The following KCNT1 variants were observed in gnomAD, a reference collection of about 807,000 sequenced individuals.
KCNT1 encodes the protein potassium channel subfamily T member 1.
KCNT1 carries 78 observed loss-of-function variants against 147.8 expected under a neutral mutation model. The observed-to-expected ratio is 0.53, with a 90% confidence interval of 0.44 to 0.64. The LOEUF is 0.64. Among genes scored for constraint, KCNT1 ranks in the 30% least tolerant of loss-of-function variants. The pLI, the probability that KCNT1 is intolerant of heterozygous loss-of-function variation, is 0.00. For synonymous variants in KCNT1, 867 were observed against 748.8 expected (o/e 1.16, Z -2.58); for missense variants, 1,419 against 1,750.3 (o/e 0.81, Z 3.38).
intron 2 of KCNT1, among the ~76,000 whole-genome samples, chr9:135,737,734 C>T (rs577435699): frequency 2.0e-5 from 3 of 152,234 alleles, no homozygotes; most frequent in African/African-American, 4.8e-5. Context: ...GCCAAGGGTG[C>T]CCAGGAGCCT....
chr9:135,754,451 G>A (rs866885719), intron 5 of KCNT1, among the ~76,000 whole-genome samples: 24 of 152,286 alleles, frequency 1.6e-4, no homozygotes, highest in African/African-American at 5.3e-4. Flanking sequence ...ACCATCTTAC[G>A]GCAAAGGAAG....
intron 2 of KCNT1, among the ~76,000 whole-genome samples, chr9:135,724,999 T>C (rs1181710569): frequency 6.6e-6 from 1 of 152,224 alleles, no homozygotes; most frequent in African/African-American, 2.4e-5. Flanking sequence ...GAGGGTAATC[T>C]TGGTGGAAGC....
chr9:135,775,227 A>C, intron 19 of KCNT1, 83 bp from the exon 20 acceptor site: 3 of 985,046 alleles, frequency 3.0e-6, no homozygotes. Flanking sequence ...GGTGCCCTCG[A>C]GTCCCCCAGC....
In KCNT1 at chr9:135,786,443, C is replaced by T. The variant is rs772478093; in HGVS notation, c.3424C>T (p.Arg1142Trp). ...WISQQRLSLYRRSERQELSEL... is the reference protein window; with the variant it reads ...WISQQRLSLYWRSERQELSEL... Reference sequence around the variant, plus strand: ...CAGCCAGCAGCGCCTCAGCCTGTACCGGCGCTCTGAGCGCCAGGAGCTCTC... The same window carrying T: ...CAGCCAGCAGCGCCTCAGCCTGTACTGGCGCTCTGAGCGCCAGGAGCTCTC... The change falls in exon 29 of 31, where the codon CGG becomes TGG. Residue 1142 changes from arginine to tryptophan, a missense_variant. This residue lies in a region of KCNT1 where 306 missense variants were observed against 294.2 expected (regional missense o/e 1.04). Coordinates refer to ENST00000371757, the MANE Select transcript of KCNT1 (RefSeq NM_020822.3). The T allele has an allele frequency of 1.1e-5, 17 of 1,597,246 alleles. No homozygotes were observed. The highest frequency in any genetic ancestry group is 1.9e-4 in the Middle Eastern group (1 of 5,360).
At chr9:135,717,176 T>C (rs1379515167) in intron 2 of KCNT1, among the ~76,000 whole-genome samples, 1 of 141,496 alleles carries the variant, frequency 7.1e-6, no homozygotes, top group East Asian at 2.1e-4. Flanking sequence ...CCCTGTGGTG[T>C]TGGTGTGTAT....
chr9:135,787,633 G>A (rs912976870), intron 29 of KCNT1, among the ~76,000 whole-genome samples: 1 of 152,196 alleles, frequency 6.6e-6, no homozygotes, highest in African/African-American at 2.4e-5. Context: ...GCCCGAAGGA[G>A]ACTCAGAGGC....
rs1340853271 is a variant in KCNT1 at position 135,771,236 on chromosome 9, G to GA, written c.2008+141_2008+142insA. Reference sequence around the variant, plus strand: ...ACCAGGTGGGACAGGAGACCAGGCAGGACAGGGGCAGGTGACCAGGTGGGA... The same window carrying GA: ...ACCAGGTGGGACAGGAGACCAGGCAGAGACAGGGGCAGGTGACCAGGTGGGA... On this transcript the variant is annotated intron_variant, in intron 18 of 30. Coordinates refer to ENST00000371757, the MANE Select transcript of KCNT1 (RefSeq NM_020822.3). 4 of 750,980 alleles carry GA rather than the reference G, an allele frequency of 5.3e-6. No individual in the cohort carries two copies. In the Admixed American group the frequency reaches 1.0e-4, roughly 19 times the overall value. The allele number at this position is 750,980 out of a possible 1,614,324, so 46.5% of individuals were successfully genotyped here. A position where few individuals can be genotyped will look rare whatever the true frequency, so the allele number is the denominator to read the frequency against.
intron 15 of KCNT1, 135 bp downstream of exon 15, chr9:135,769,072 C>T (rs1588355386): frequency 1.5e-6 from 1 of 689,050 alleles, no homozygotes; most frequent in East Asian, 2.8e-5. Context: ...CGTGTGCACA[C>T]GTGGGTGACG....
At chr9:135,736,690 G>C (rs1161445367) in intron 2 of KCNT1, 1 of 336,112 alleles carries the variant, frequency 3.0e-6, no homozygotes, top group African/African-American at 2.2e-5. Context: ...CCCGGGGGGC[G>C]CCCCAGCCGG....
intron 15 of KCNT1, 114 bp from the exon 16 acceptor site, chr9:135,769,833 G>A: frequency 1.4e-6 from 1 of 713,172 alleles, no homozygotes; most frequent in Non-Finnish European, 2.4e-6. Context: ...AGCAGACACG[G>A]GGGTGCCAGG....
At chr9:135,759,584 G>A in intron 10 of KCNT1, 95 bp from the exon 11 acceptor site, 2 of 1,353,078 alleles carry the variant, frequency 1.5e-6, no homozygotes, top group South Asian at 1.4e-5. Context: ...CAGTCTCCTG[G>A]GCAGTGAGGG....
chr9:135,741,175 TCAGA>T (rs1830551009), intron 2 of KCNT1, among the ~76,000 whole-genome samples: 1 of 152,114 alleles, frequency 6.6e-6, no homozygotes. Flanking sequence ...TCCTCAACAC[TCAGA>T]CAACAGGGCC....
chr9:135,731,960 G>GGATATATATATATATA (rs1554766096), intron 2 of KCNT1, among the ~76,000 whole-genome samples: 3 of 41,414 alleles, frequency 7.2e-5, no homozygotes, highest in African/African-American at 2.7e-4. Context: ...AAATATGCGT[G>GGATATATATATATATA]TATATATATA....
At position 135,784,634 on chromosome 9, in the gene KCNT1, TGCGCTGGGCTGGGGGC is replaced by T; in HGVS notation, c.3027+18_3027+33del. 2 of 1,611,118 alleles carry T rather than the reference TGCGCTGGGCTGGGGGC, an allele frequency of 1.2e-6. No homozygotes were observed. Among genetic ancestry groups the T allele is most frequent in the Non-Finnish European group, 1.7e-6 (2 of 1,178,924 alleles). On this transcript the variant is annotated intron_variant, in intron 26 of 30. Coordinates refer to ENST00000371757, the MANE Select transcript of KCNT1 (RefSeq NM_020822.3). ...CCTCTGTGCCGTAAGTGCCCCTGGC[TGCGCTGGGCTGGGGGC>T]GTGCTGGGCTGTCCAAGTGGGTGGA...
At chr9:135,786,615 CG>C in intron 29 of KCNT1, 94 bp downstream of exon 29, 1 of 1,187,080 alleles carries the variant, frequency 8.4e-7, no homozygotes, top group South Asian at 1.6e-5. Context: ...TCCCGGGGCC[CG>C]GGCCGTCCTC....
chr9:135,751,139 C>T (rs1831140483), intron 4 of KCNT1, 98 bp downstream of exon 4: 3 of 1,166,644 alleles, frequency 2.6e-6, no homozygotes, highest in Admixed American at 1.8e-5. Flanking sequence ...TGGGGGAGCC[C>T]CTGTGCCTGG....
chr9:135,783,089 C>T (rs557417954), intron 24 of KCNT1, among the ~76,000 whole-genome samples: 16 of 152,342 alleles, frequency 1.1e-4, no homozygotes, highest in Admixed American at 1.0e-3. Flanking sequence ...GGCCGAGCTC[C>T]AGGGTTGGGG....
chr9:135,779,757 G>A (rs973220416), intron 24 of KCNT1, among the ~76,000 whole-genome samples: 4 of 152,238 alleles, frequency 2.6e-5, no homozygotes, highest in African/African-American at 7.2e-5. Context: ...GGCCGTATCT[G>A]GAGGCCAAGG....
intron 29 of KCNT1, 147 bp downstream of exon 29, chr9:135,786,668 T>C (rs1834078590): frequency 1.3e-6 from 1 of 784,890 alleles, no homozygotes; most frequent in Non-Finnish European, 1.9e-6. Flanking sequence ...CTGGCCACCC[T>C]CTGCCTGCCT....
Sources: allele counts gnomAD v4.1 joint callset (sites outside exome capture counted in the v4.1 genomes callset), GRCh38; gene constraint gnomAD v4.1.1; regional missense constraint gnomAD v4.1.1; transcripts MANE v1.5; gene names NCBI Gene and HGNC (gene_info 2026-07-23, HGNC 2026-07-21).